Variants in TRIM33 observed in about 807,000 individuals in gnomAD.
The protein encoded by TRIM33 is E3 ubiquitin-protein ligase TRIM33.
TRIM33 carries 20 observed loss-of-function variants against 125.4 expected under a neutral mutation model. That is an observed-to-expected ratio of 0.16 (90% confidence interval 0.11 to 0.23). The LOEUF (loss-of-function observed/expected upper bound fraction) is 0.23, where lower values mean the gene tolerates loss of function less well. Ranked by LOEUF, TRIM33 falls within the 10% of genes least tolerant of loss-of-function variation. The pLI is 1.00. For missense variants in TRIM33, 920 were observed against 1,411.4 expected, an observed-to-expected ratio of 0.65 and a Z score of 5.58; for synonymous variants, 564 against 513.9, an observed-to-expected ratio of 1.10 and a Z score of -1.32.
At chr1:114,443,478 C>G (rs534801563) in intron 4 of TRIM33, among the ~76,000 whole-genome samples, 4 of 152,264 alleles carry the variant, frequency 2.6e-5, no homozygotes, top group African/African-American at 9.6e-5. Context: ...CTCAAGCGAT[C>G]CACCAGCCTC....
At chr1:114,430,444 T>C (rs1057400463) in intron 6 of TRIM33, among the ~76,000 whole-genome samples, 2 of 152,094 alleles carry the variant, frequency 1.3e-5, no homozygotes, top group African/African-American at 4.8e-5. Context: ...GGTTTCGCCA[T>C]GTTGCCTGGG....
intron 4 of TRIM33, among the ~76,000 whole-genome samples, chr1:114,457,918 A>G (rs1649721284): frequency 6.6e-6 from 1 of 152,192 alleles, no homozygotes; most frequent in African/African-American, 2.4e-5. Flanking sequence ...CGTAACTTTG[A>G]ACAGACAATG....
chr1:114,451,657 CAT>C (rs1271908879), intron 4 of TRIM33, among the ~76,000 whole-genome samples: 4 of 151,770 alleles, frequency 2.6e-5, no homozygotes, highest in Non-Finnish European at 4.4e-5. Flanking sequence ...AAAAATAAAA[CAT>C]GTGGGCTGCA....
intron 15 of TRIM33, among the ~76,000 whole-genome samples, chr1:114,403,373 T>C (rs1473800450): frequency 6.6e-6 from 1 of 152,118 alleles, no homozygotes; most frequent in Non-Finnish European, 1.5e-5. Context: ...CACATGTATA[T>C]ATACCTCCTT....
At chr1:114,398,470 C>T (rs1460416765) in intron 18 of TRIM33, among the ~76,000 whole-genome samples, 1 of 152,036 alleles carries the variant, frequency 6.6e-6, no homozygotes, top group African/African-American at 2.4e-5. Flanking sequence ...TTTAACTGCA[C>T]TGAAAAATAA....
chr1:114,405,875 T>G (rs1652199591), intron 14 of TRIM33, 116 bp from the exon 15 acceptor site: 1 of 902,306 alleles, frequency 1.1e-6, no homozygotes, highest in Non-Finnish European at 1.7e-6. Flanking sequence ...ACAAATTTAT[T>G]TTATAGATCA....
At chr1:114,398,660 A>G (rs1651682637) in intron 18 of TRIM33, among the ~76,000 whole-genome samples, 1 of 152,126 alleles carries the variant, frequency 6.6e-6, no homozygotes, top group South Asian at 2.1e-4. Context: ...TACAGGATCC[A>G]ATGTGATTTA....
chr1:114,422,664 C>G (rs1485325607), intron 10 of TRIM33, among the ~76,000 whole-genome samples: 5 of 151,518 alleles, frequency 3.3e-5, no homozygotes, highest in Non-Finnish European at 5.9e-5. Context: ...AAAAAAAAAC[C>G]TGTAGAAATA....
rs575534644 is a variant in TRIM33, at chr1:114,397,277, A to G, written c.*371T>C. The G allele has an allele frequency of 7.3e-6, 2 of 274,242 alleles. No homozygotes were observed. Among genetic ancestry groups the G allele is most frequent in the Admixed American group, 9.4e-5 (2 of 21,288 alleles). The allele number at this position is 274,242 out of a possible 1,614,324, so 17.0% of individuals were successfully genotyped here. A position where few individuals can be genotyped will look rare whatever the true frequency, so the allele number is the denominator to read the frequency against. On this transcript the variant is annotated 3_prime_UTR_variant, in exon 20 of 20. Transcript: ENST00000358465. ...CCTAGTCCAAAAAGAAAATTTATCA[A>G]GTGACACGAGTCTCAAGTATTTACT...
chr1:114,497,931 T>G (rs1273024593), intron 1 of TRIM33, among the ~76,000 whole-genome samples: 2 of 144,320 alleles, frequency 1.4e-5, no homozygotes, highest in Admixed American at 6.8e-5. Flanking sequence ...TAAACAAGAG[T>G]AGGCAGAAGC....
chr1:114,461,237 C>T (rs912392474), intron 4 of TRIM33, among the ~76,000 whole-genome samples: 5 of 136,320 alleles, frequency 3.7e-5, no homozygotes, highest in Non-Finnish European at 4.8e-5. Context: ...TATATATATA[C>T]ATATATTTAT....
At chr1:114,424,858 TAAAGTAA>T (rs1326393345) in intron 9 of TRIM33, 103 bp from the exon 10 acceptor site, 3 of 872,980 alleles carry the variant, frequency 3.4e-6, no homozygotes, top group African/African-American at 1.7e-5. Flanking sequence ...TAAAAGGGTA[TAAAGTAA>T]AAAGTATAAA....
intron 4 of TRIM33, among the ~76,000 whole-genome samples, chr1:114,446,131 C>T (rs1348031673): frequency 6.6e-6 from 1 of 152,168 alleles, no homozygotes; most frequent in African/African-American, 2.4e-5. Flanking sequence ...GCTGGGATTA[C>T]AGGAGTGAGC....
At chr1:114,436,760 T>C (rs1648336480) in intron 4 of TRIM33, among the ~76,000 whole-genome samples, 1 of 152,026 alleles carries the variant, frequency 6.6e-6, no homozygotes, top group African/African-American at 2.4e-5. Flanking sequence ...CCACCACTCC[T>C]GGCAAGAGGC....
In TRIM33 at chr1:114,510,888, G is replaced by T. The variant is rs1385960971; in HGVS notation, c.189C>A (p.Asp63Glu). 6.9e-7 allele frequency: 1 copy of T among 1,441,836 alleles called. No individual in the cohort carries two copies. Among genetic ancestry groups the T allele is most frequent in the Non-Finnish European group, 9.1e-7 (1 of 1,104,824 alleles). The allele number at this position is 1,441,836 out of a possible 1,614,324, so 89.3% of individuals were successfully genotyped here. A position where few individuals can be genotyped will look rare whatever the true frequency, so the allele number is the denominator to read the frequency against. ...AGAEGGAAGP[D>E]DGGVAAASSG... Reference sequence around the variant, plus strand: ...AGGAGGCCGCGGCCACCCCCCCGTCGTCGGGCCCGGCCGCGCCGCCCTCAG... The same window carrying T: ...AGGAGGCCGCGGCCACCCCCCCGTCTTCGGGCCCGGCCGCGCCGCCCTCAG... The change falls in exon 1 of 20, where the codon GAC becomes GAA. Residue 63 changes from aspartate (D) to glutamate (E), a missense_variant. Physicochemically the swap from Asp to Glu is conservative, Grantham distance 45. Around this residue, in one of 8 missense-constraint regions of TRIM33, gnomAD observed 233 missense variants for 189.6 expected, o/e 1.23. Coordinates refer to ENST00000358465, the MANE Select transcript of TRIM33 (RefSeq NM_015906.4).
intron 6 of TRIM33, among the ~76,000 whole-genome samples, chr1:114,430,479 C>T (rs1365747780): frequency 1.3e-5 from 2 of 152,044 alleles, no homozygotes; most frequent in Non-Finnish European, 2.9e-5. Flanking sequence ...GGGGCTCAAG[C>T]GATCTGTCTG....
intron 1 of TRIM33, among the ~76,000 whole-genome samples, chr1:114,466,657 A>T (rs900691088): frequency 6.6e-6 from 1 of 152,024 alleles, no homozygotes; most frequent in Non-Finnish European, 1.5e-5. Context: ...ACTTGGCAAT[A>T]CTCCCAGTGT....
intron 1 of TRIM33, among the ~76,000 whole-genome samples, chr1:114,471,733 C>T (rs1650669183): frequency 6.6e-6 from 1 of 152,120 alleles, no homozygotes; most frequent in African/African-American, 2.4e-5. Flanking sequence ...AGTGGGAATA[C>T]TGTACAACAA....
intron 1 of TRIM33, among the ~76,000 whole-genome samples, chr1:114,492,703 C>T (rs1652143892): frequency 6.6e-6 from 1 of 152,160 alleles, no homozygotes; most frequent in Non-Finnish European, 1.5e-5. Flanking sequence ...TGTCTTATTT[C>T]ACTTATGTTT....
Sources: gnomAD v4.1 joint callset for allele counts (sites outside exome capture counted in the v4.1 genomes callset) on GRCh38, gnomAD v4.1.1 for gene constraint, gnomAD v4.1.1 regional missense constraint, MANE v1.5 for transcripts, NCBI Gene and HGNC (gene_info 2026-07-23, HGNC 2026-07-21) for gene names.